BMP6: variants seen among roughly 807,000 people sequenced by gnomAD.
BMP6 encodes the protein VG-1-R.
A neutral mutation model predicts 54.1 loss-of-function variants in BMP6; 17 were observed. That is an observed-to-expected ratio of 0.31 (90% CI 0.22 to 0.47). BMP6 has a LOEUF of 0.47. Ranked by LOEUF, BMP6 falls within the 20% of genes least tolerant of loss-of-function variation. The probability of loss-of-function intolerance (pLI) is 1.00; values close to 1 mark genes in which losing one functional copy is unlikely to be tolerated. For missense variants in BMP6, 720 were observed against 690.4 expected (o/e 1.04, Z -0.48); for synonymous variants, 328 against 291.2 (o/e 1.13, Z -1.28).
At chr6:7,791,202 C>T (rs1758101365) in intron 1 of BMP6, among the ~76,000 whole-genome samples, 2 of 152,206 alleles carry the variant, frequency 1.3e-5, no homozygotes, top group African/African-American at 4.8e-5. Flanking sequence ...AAATATGTGA[C>T]TTCTCCATCA....
intron 1 of BMP6, among the ~76,000 whole-genome samples, chr6:7,760,705 T>G (rs1403955021): frequency 2.0e-5 from 3 of 152,170 alleles, no homozygotes; most frequent in African/African-American, 7.2e-5. Flanking sequence ...TGACCTCAGG[T>G]GATCTGCCTG....
intron 4 of BMP6, among the ~76,000 whole-genome samples, chr6:7,868,883 C>T (rs1759474567): frequency 6.6e-6 from 1 of 152,166 alleles, no homozygotes; most frequent in African/African-American, 2.4e-5. Context: ...TCTCCCTCCC[C>T]ACCTCTCTCC....
At chr6:7,859,535 C>T (rs530312577) in intron 2 of BMP6, among the ~76,000 whole-genome samples, 5 of 152,150 alleles carry the variant, frequency 3.3e-5, no homozygotes, top group African/African-American at 9.6e-5. Flanking sequence ...GCTACTTTCC[C>T]ACAGTGCTGT....
intron 2 of BMP6, among the ~76,000 whole-genome samples, chr6:7,851,487 C>G (rs1419463725): frequency 6.6e-6 from 1 of 152,140 alleles, no homozygotes; most frequent in Non-Finnish European, 1.5e-5. Flanking sequence ...AATAGTTTTT[C>G]TGCATGGCCT....
Position 7,875,643 on chromosome 6 carries a change from G to T in BMP6, c.1205-3431G>T, listed in dbSNP as rs369539471. Among the ~76,000 whole-genome samples, 9 of 152,162 alleles carry T rather than the reference G, an allele frequency of 5.9e-5. No individual in the cohort carries two copies. The South Asian group carries it at 1.7e-3, about 28-fold the overall frequency. ...TGATTGTGCCACTGTGCTCCAGCTT[G>T]CGTGACAGAGCAAAACCCCATTGCA... is the stretch of plus-strand genomic sequence containing the variant. On this transcript the variant is annotated intron_variant, in intron 4 of 6. Coordinates refer to ENST00000283147, the MANE Select transcript of BMP6 (RefSeq NM_001718.6).
intron 1 of BMP6, among the ~76,000 whole-genome samples, chr6:7,784,991 A>C (rs1758001129): frequency 6.6e-6 from 1 of 152,236 alleles, no homozygotes; most frequent in African/African-American, 2.4e-5. Context: ...GCAAGGGGTA[A>C]CCAATGCTTG....
chr6:7,730,051 A>ACC (rs1361721710), intron 1 of BMP6, among the ~76,000 whole-genome samples: 2 of 152,114 alleles, frequency 1.3e-5, no homozygotes, highest in Non-Finnish European at 2.9e-5. Context: ...GTGTTTGGAA[A>ACC]CCACTGCCTT....
At chr6:7,763,465 C>T (rs551252146) in intron 1 of BMP6, among the ~76,000 whole-genome samples, 2 of 152,242 alleles carry the variant, frequency 1.3e-5, no homozygotes, top group African/African-American at 2.4e-5. Context: ...AGAAAACATC[C>T]CATCGCCTTT....
intron 1 of BMP6, among the ~76,000 whole-genome samples, chr6:7,829,491 G>T (rs960915446): frequency 3.3e-5 from 5 of 152,116 alleles, no homozygotes; most frequent in Non-Finnish European, 5.9e-5. Context: ...GTTGCTTGAG[G>T]CTGGGAGTTC....
At chr6:7,825,889 T>C (rs1325198470) in intron 1 of BMP6, among the ~76,000 whole-genome samples, 1 of 152,222 alleles carries the variant, frequency 6.6e-6, no homozygotes, top group African/African-American at 2.4e-5. Context: ...CCCAGTCTTC[T>C]TCCCTATCGG....
At chr6:7,760,568 G>A (rs189064254) in intron 1 of BMP6, among the ~76,000 whole-genome samples, 1 of 152,224 alleles carries the variant, frequency 6.6e-6, no homozygotes, top group East Asian at 1.9e-4. Flanking sequence ...CCGGGTTCCA[G>A]CAATTCTCCC....
rs1167912474 is a variant in BMP6, at chr6:7,726,224, G to T, written c.-732G>T. On this transcript the variant is annotated 5_prime_UTR_variant, in exon 1 of 7. Coordinates refer to ENST00000283147, the MANE Select transcript of BMP6 (RefSeq NM_001718.6). ...TTCCTTCCCATCCTTTCTGCGAGCG[G>T]GTTTGCTGGGCAGCCGGGCGACCGC... is the stretch of plus-strand genomic sequence containing the variant. Among the ~76,000 whole-genome samples the T allele has an allele frequency of 2.0e-5, 3 of 152,186 alleles. No homozygotes were observed. The highest frequency in any genetic ancestry group is 2.0e-4 in the Admixed American group (3 of 15,286).
chr6:7,728,525 C>T (rs1288353376), intron 1 of BMP6, among the ~76,000 whole-genome samples: 1 of 152,232 alleles, frequency 6.6e-6, no homozygotes, highest in Non-Finnish European at 1.5e-5. Flanking sequence ...TCCCACCCCA[C>T]TGAGTTTTCT....
intron 5 of BMP6, among the ~76,000 whole-genome samples, chr6:7,879,693 G>A (rs1759679813): frequency 6.6e-6 from 1 of 152,242 alleles, no homozygotes; most frequent in African/African-American, 2.4e-5. Context: ...AGCACCGTGG[G>A]CTCCTGGAGA....
At chr6:7,728,815 T>C (rs898072201) in intron 1 of BMP6, among the ~76,000 whole-genome samples, 3 of 152,166 alleles carry the variant, frequency 2.0e-5, no homozygotes, top group African/African-American at 7.2e-5. Context: ...CACACGGGTC[T>C]CCCAGCCACG....
chr6:7,813,149 AAAAT>A (rs1758465422), intron 1 of BMP6, among the ~76,000 whole-genome samples: 1 of 107,888 alleles, frequency 9.3e-6, no homozygotes, highest in African/African-American at 3.6e-5. Context: ...ATATATATAT[AAAAT>A]TAGTGGGCAT....
rs1479012627 is a variant in BMP6, at chr6:7,726,396, TTTCGG to T, written c.-559_-555del. Among the ~76,000 whole-genome samples, 7 of 152,162 alleles carry T rather than the reference TTTCGG, an allele frequency of 4.6e-5. No homozygotes were observed. Among genetic ancestry groups the T allele is most frequent in the Non-Finnish European group, 8.8e-5 (6 of 68,010 alleles). ...TTAAACCTCGCGGAATAGACTGGCATTTCGGGACGCCTTGTCGCCGCAGCCTGGGC... is the reference window on the plus strand; with the variant it reads ...TTAAACCTCGCGGAATAGACTGGCATGACGCCTTGTCGCCGCAGCCTGGGC... On this transcript the variant is annotated 5_prime_UTR_variant, in exon 1 of 7. In the 5' UTR this introduces an upstream ATG that the reference lacks. Coordinates refer to ENST00000283147, the MANE Select transcript of BMP6 (RefSeq NM_001718.6).
In BMP6 at chr6:7,727,281, A is replaced by C. The variant is rs760992636; in HGVS notation, c.326A>C (p.Gln109Pro). 6.2e-7 allele frequency: 1 copy of C among 1,606,050 alleles called. No individual in the cohort carries two copies. Among genetic ancestry groups the C allele is most frequent in the Non-Finnish European group, 8.5e-7 (1 of 1,177,146 alleles). ...LQQPQPPALR[Q>P]QEEQQQQQQL... is the part of the protein sequence containing the mutation. ...CAGCCGCAGCCCCCGGCGCTCCGGC[A>C]GCAGGAGGAGCAGCAGCAGCAGCAG... The change falls in exon 1 of 7, where the codon CAG (glutamine) becomes CCG (proline). Residue 109 changes from glutamine (Q) to proline (P), a missense_variant. Gln to Pro is a moderately conservative substitution (Grantham distance 76). Coordinates refer to ENST00000283147, the MANE Select transcript of BMP6 (RefSeq NM_001718.6).
intron 1 of BMP6, among the ~76,000 whole-genome samples, chr6:7,764,783 C>T (rs1345823150): frequency 6.6e-6 from 1 of 152,128 alleles, no homozygotes; most frequent in Non-Finnish European, 1.5e-5. Flanking sequence ...GTCCGGCTGC[C>T]CTTCACATTT....
Sources: allele counts gnomAD v4.1 joint callset (sites outside exome capture counted in the v4.1 genomes callset), GRCh38; gene constraint gnomAD v4.1.1; transcripts MANE v1.5; gene names NCBI Gene and HGNC (gene_info 2026-07-23, HGNC 2026-07-21).